Variants in FBLN7 observed in about 807,000 individuals in gnomAD.
FBLN7 encodes fibulin-7.
A neutral mutation model predicts 44.0 loss-of-function variants in FBLN7; 31 were observed. That is an observed-to-expected ratio of 0.70 (90% CI 0.53 to 0.95). The LOEUF is 0.95. Among genes scored for constraint, FBLN7 ranks in the 40% least tolerant of loss-of-function variants. The probability of loss-of-function intolerance (pLI) is 0.00; values close to 1 mark genes in which losing one functional copy is unlikely to be tolerated. For synonymous variants in FBLN7, 262 were observed against 253.4 expected (o/e 1.03, Z -0.32); for missense variants, 573 against 618.5 (o/e 0.93, Z 0.78).
intron 1 of FBLN7, 123 bp from the exon 2 acceptor site, chr2:112,159,553 T>A (rs1475383969): frequency 8.4e-7 from 1 of 1,188,750 alleles, no homozygotes; most frequent in Non-Finnish European, 1.1e-6. Flanking sequence ...ACTTTTACGT[T>A]GCGTTGAGTG....
the FBLN7 span, among the ~76,000 whole-genome samples, chr2:112,241,513 G>A: frequency 6.6e-6 from 1 of 152,328 alleles, no homozygotes; most frequent in Middle Eastern, 3.4e-3. Context: ...CAGTGAACTT[G>A]AATGAGAAGA....
intron 2 of FBLN7, among the ~76,000 whole-genome samples, chr2:112,160,800 G>GCA (rs1558880499): frequency 8.5e-6 from 1 of 117,302 alleles, no homozygotes; most frequent in African/African-American, 3.2e-5. Flanking sequence ...ACGCACACAC[G>GCA]CACGCACACA....
chr2:112,237,121 A>G, the FBLN7 span, among the ~76,000 whole-genome samples: 2 of 152,232 alleles, frequency 1.3e-5, no homozygotes, highest in African/African-American at 4.8e-5. Context: ...CTAAGGCTCA[A>G]TAAGTGAAAA....
chr2:112,177,936 G>T (rs1344913973), intron 4 of FBLN7: 1 of 152,054 alleles, frequency 6.6e-6, no homozygotes, highest in Non-Finnish European at 1.5e-5. Context: ...GCTGAGGTGG[G>T]TGGATCATTT....
At chr2:112,143,243 G>A (rs1680740214) in intron 1 of FBLN7, among the ~76,000 whole-genome samples, 1 of 152,204 alleles carries the variant, frequency 6.6e-6, no homozygotes, top group African/African-American at 2.4e-5. Flanking sequence ...CCACCCTGTG[G>A]CCTTCCCACT....
At chr2:112,160,786 GCA>G (rs1196600568) in intron 2 of FBLN7, among the ~76,000 whole-genome samples, 10 of 100,662 alleles carry the variant, frequency 9.9e-5, no homozygotes, top group Middle Eastern at 6.8e-3. Context: ...GCACACGCAC[GCA>G]CACGCACACA....
At chr2:112,144,226 T>C (rs773700076) in intron 1 of FBLN7, among the ~76,000 whole-genome samples, 3 of 152,246 alleles carry the variant, frequency 2.0e-5, no homozygotes, top group Non-Finnish European at 4.4e-5. Context: ...GAAGATTCAA[T>C]TGATGCATCC....
chr2:112,225,315 AC>A, the FBLN7 span, among the ~76,000 whole-genome samples: 3 of 152,210 alleles, frequency 2.0e-5, no homozygotes, highest in African/African-American at 7.2e-5. Flanking sequence ...ATTTTGAAAG[AC>A]TATAGACAAC....
At chr2:112,165,694 G>C (rs1413046339) in intron 3 of FBLN7, among the ~76,000 whole-genome samples, 1 of 152,152 alleles carries the variant, frequency 6.6e-6, no homozygotes, top group African/African-American at 2.4e-5. Flanking sequence ...TAACCTCTGG[G>C]GCTGAGGAAA....
At chr2:112,204,234 A>G in the FBLN7 span, among the ~76,000 whole-genome samples, 1 of 151,928 alleles carries the variant, frequency 6.6e-6, no homozygotes, top group Non-Finnish European at 1.5e-5. Flanking sequence ...GAATCGGTGA[A>G]TTTAAACATA....
Position 112,185,309 on chromosome 2 carries a change from G to C in FBLN7, c.917G>C (p.Gly306Ala), listed in dbSNP as rs527367048. ...AGCCCTGAGTGCCCCGAGGGCAGCG[G>C]CAATGTGAGCTACGTGAAGACGTCT... ...CVSPECPEGS[G>A]NVSYVKTSPF... Residue 306 changes from glycine to alanine, a missense_variant, in exon 7 of 8, where the codon GGC becomes GCC. Gly to Ala is a moderately conservative substitution (Grantham distance 60, BLOSUM62 0). Transcript: ENST00000331203. 1 of 1,613,796 alleles carries C rather than the reference G, an allele frequency of 6.2e-7. No homozygotes were observed. The highest frequency in any genetic ancestry group is 1.3e-5 in the African/African-American group (1 of 75,018).
chr2:112,160,445 T>A (rs1681699770), intron 2 of FBLN7, among the ~76,000 whole-genome samples: 1 of 152,232 alleles, frequency 6.6e-6, no homozygotes, highest in African/African-American at 2.4e-5. Context: ...CACGTCTTCA[T>A]ACGGACCAAA....
intron 2 of FBLN7, among the ~76,000 whole-genome samples, chr2:112,160,792 G>GCA (rs1410350807): frequency 7.6e-6 from 1 of 131,920 alleles, no homozygotes; most frequent in Non-Finnish European, 1.6e-5. Context: ...GCACGCACAC[G>GCA]CACACACGCA....
At chr2:112,226,694 C>T in the FBLN7 span, among the ~76,000 whole-genome samples, 32 of 150,484 alleles carry the variant, frequency 2.1e-4, no homozygotes, top group African/African-American at 7.9e-4. Flanking sequence ...GAAGCTGGAA[C>T]ACCTTTCAAC....
chr2:112,228,959 T>C, the FBLN7 span, among the ~76,000 whole-genome samples: 2 of 152,206 alleles, frequency 1.3e-5, no homozygotes, highest in South Asian at 2.1e-4. Context: ...AAGATGTTCA[T>C]AGTCATTTGA....
chr2:112,150,957 G>A (rs1048689551), intron 1 of FBLN7, among the ~76,000 whole-genome samples: 2 of 152,162 alleles, frequency 1.3e-5, no homozygotes, highest in Non-Finnish European at 2.9e-5. Flanking sequence ...GGGTGGCCAC[G>A]AGCTACTCCA....
At chr2:112,182,767 C>T (rs1184277506) in intron 5 of FBLN7, 24 bp from the exon 6 acceptor site, 3 of 1,572,310 alleles carry the variant, frequency 1.9e-6, no homozygotes, top group African/African-American at 1.4e-5. Context: ...CTCCTAAAGT[C>T]ACAGTGAGCA....
intron 1 of FBLN7, among the ~76,000 whole-genome samples, chr2:112,157,957 C>T (rs141119383): frequency 0.027 from 3,914 of 145,680 alleles, 171 homozygotes; most frequent in African/African-American, 0.09. Flanking sequence ...AGTGCAGTGG[C>T]GCGATCTCGG....
At chr2:112,212,894 C>A in the FBLN7 span, 1 of 151,810 alleles carries the variant, frequency 6.6e-6, no homozygotes, top group Non-Finnish European at 1.5e-5. Context: ...CAGGAGGAGC[C>A]CCATGCTCTT....
Sources: gnomAD v4.1 joint callset for allele counts (sites outside exome capture counted in the v4.1 genomes callset) on GRCh38, gnomAD v4.1.1 for gene constraint, MANE v1.5 for transcripts, NCBI Gene and HGNC (gene_info 2026-07-23, HGNC 2026-07-21) for gene names.